The following FIGN variants were observed in gnomAD, a reference collection of about 807,000 sequenced individuals.
FIGN encodes fidgetin, microtubule severing factor.
A neutral mutation model predicts 51.3 loss-of-function variants in FIGN; 11 were observed. The ratio of observed to expected loss-of-function variants is 0.21; its 90% CI spans 0.13 to 0.35. The LOEUF is 0.35. Ranked by LOEUF, FIGN falls within the 10% of genes least tolerant of loss-of-function variation. The pLI, the probability that FIGN is intolerant of heterozygous loss-of-function variation, is 1.00. For missense variants in FIGN, 857 were observed against 943.6 expected (o/e 0.91, Z 1.20); for synonymous variants, 407 against 363.2 (o/e 1.12, Z -1.37).
chr2:163,686,920 G>A (rs569864180), intron 2 of FIGN, among the ~76,000 whole-genome samples: 4 of 151,300 alleles, frequency 2.6e-5, no homozygotes, highest in Non-Finnish European at 4.4e-5. Flanking sequence ...GGCAGAAGAC[G>A]TATGTATTTG....
chr2:163,689,448 C>T (rs1684205265), intron 2 of FIGN, among the ~76,000 whole-genome samples: 1 of 152,040 alleles, frequency 6.6e-6, no homozygotes, highest in South Asian at 2.1e-4. Flanking sequence ...GCTTGATTGA[C>T]TATCAGGCAT....
intron 2 of FIGN, among the ~76,000 whole-genome samples, chr2:163,656,412 A>T (rs1239971785): frequency 6.6e-6 from 1 of 152,200 alleles, no homozygotes; most frequent in African/African-American, 2.4e-5. Context: ...GGTATCCTAT[A>T]AGAGCATAAA....
At chr2:163,694,904 C>T (rs1013555610) in intron 2 of FIGN, among the ~76,000 whole-genome samples, 7 of 152,086 alleles carry the variant, frequency 4.6e-5, no homozygotes, top group African/African-American at 1.4e-4. Flanking sequence ...CCTCCTGCCT[C>T]GGCCACCTGA....
chr2:163,644,212 A>T (rs1373460593), intron 2 of FIGN, among the ~76,000 whole-genome samples: 1 of 152,186 alleles, frequency 6.6e-6, no homozygotes, highest in Non-Finnish European at 1.5e-5. Context: ...TAGAATATAT[A>T]AAGATTACTT....
At chr2:163,649,463 T>A (rs908680223) in intron 2 of FIGN, among the ~76,000 whole-genome samples, 24 of 151,886 alleles carry the variant, frequency 1.6e-4, no homozygotes, top group African/African-American at 2.7e-4. Context: ...CATGGAGAGG[T>A]CACATAGAGA....
At chr2:163,635,129 ATAATTATAATAT>A (rs1683206136) in intron 2 of FIGN, among the ~76,000 whole-genome samples, 1 of 152,224 alleles carries the variant, frequency 6.6e-6, no homozygotes, top group African/African-American at 2.4e-5. Context: ...AGTGTACTTG[ATAATTATAATAT>A]TAATTGATGT....
At chr2:163,671,196 C>T (rs1226721003) in intron 2 of FIGN, among the ~76,000 whole-genome samples, 1 of 152,168 alleles carries the variant, frequency 6.6e-6, no homozygotes, top group Non-Finnish European at 1.5e-5. Context: ...TGCCATCATC[C>T]ATTTGCTACA....
At chr2:163,626,804 A>C (rs960658355) in intron 2 of FIGN, among the ~76,000 whole-genome samples, 6 of 152,216 alleles carry the variant, frequency 3.9e-5, no homozygotes, top group African/African-American at 1.4e-4. Context: ...GGTTGCGGTA[A>C]AGAAGCCAGC....
chr2:163,702,624 T>C (rs1443305630), intron 2 of FIGN, among the ~76,000 whole-genome samples: 2 of 152,106 alleles, frequency 1.3e-5, no homozygotes, highest in Non-Finnish European at 2.9e-5. Flanking sequence ...CCCTGTAACG[T>C]ACTTGTCAGA....
intron 2 of FIGN, among the ~76,000 whole-genome samples, chr2:163,638,749 G>T (rs191231939): frequency 3.9e-5 from 6 of 151,976 alleles, no homozygotes; most frequent in East Asian, 1.9e-4. Context: ...AATCAATTAC[G>T]CTGTGACATG....
intron 2 of FIGN, among the ~76,000 whole-genome samples, chr2:163,678,998 T>C (rs184627009): frequency 3.3e-5 from 5 of 152,212 alleles, no homozygotes; most frequent in Non-Finnish European, 7.3e-5. Context: ...TCTGGAGTAA[T>C]TTATTCTTCA....
intron 2 of FIGN, among the ~76,000 whole-genome samples, chr2:163,637,914 T>C (rs1229201788): frequency 6.6e-6 from 1 of 152,072 alleles, no homozygotes; most frequent in Non-Finnish European, 1.5e-5. Flanking sequence ...AAACAAAGCA[T>C]CAGCAGAAAG....
At chr2:163,680,947 G>A (rs1468773752) in intron 2 of FIGN, among the ~76,000 whole-genome samples, 2 of 152,068 alleles carry the variant, frequency 1.3e-5, no homozygotes, top group South Asian at 2.1e-4. Flanking sequence ...TTGAACATAT[G>A]GCATGTGCCA....
intron 2 of FIGN, chr2:163,617,080 C>A: frequency 1.0e-6 from 1 of 984,378 alleles, no homozygotes; most frequent in Non-Finnish European, 1.2e-6. Flanking sequence ...AGCCAAGAGG[C>A]CAACACAGCA....
chr2:163,655,224 T>C (rs572841149), intron 2 of FIGN, among the ~76,000 whole-genome samples: 58 of 152,218 alleles, frequency 3.8e-4, no homozygotes, highest in Non-Finnish European at 6.9e-4. Context: ...GCAGTTCATA[T>C]GCCAAATAGT....
At chr2:163,667,995 G>A (rs1683808678) in intron 2 of FIGN, among the ~76,000 whole-genome samples, 2 of 143,042 alleles carry the variant, frequency 1.4e-5, no homozygotes, top group African/African-American at 2.7e-5. Context: ...TTCAAGGAAA[G>A]AGAACACCCC....
At chr2:163,733,116 C>G (rs1684958011) in intron 2 of FIGN, among the ~76,000 whole-genome samples, 1 of 152,092 alleles carries the variant, frequency 6.6e-6, no homozygotes, top group South Asian at 2.1e-4. Context: ...TAAACTTTCA[C>G]CCCTAGAATT....
chr2:163,692,989 C>T (rs1414486979), intron 2 of FIGN, among the ~76,000 whole-genome samples: 1 of 152,174 alleles, frequency 6.6e-6, no homozygotes, highest in African/African-American at 2.4e-5. Flanking sequence ...CAGGCAAGCG[C>T]CTTGGTACTT....
At chr2:163,625,747 T>A in intron 2 of FIGN, among the ~76,000 whole-genome samples, 1 of 152,046 alleles carries the variant, frequency 6.6e-6, no homozygotes, top group East Asian at 1.9e-4. Flanking sequence ...GGAGGACAAC[T>A]AAATCAGTCT....
Sources: gnomAD v4.1 joint callset for allele counts (sites outside exome capture counted in the v4.1 genomes callset) on GRCh38, gnomAD v4.1.1 for gene constraint, MANE v1.5 for transcripts, NCBI Gene and HGNC (gene_info 2026-07-23, HGNC 2026-07-21) for gene names.